WDR19: variants seen among roughly 807,000 people sequenced by gnomAD.
The protein encoded by WDR19 is WD repeat domain 19.
WDR19 carries 121 observed loss-of-function variants against 180.0 expected under a neutral mutation model. The ratio of observed to expected loss-of-function variants is 0.67; its 90% confidence interval spans 0.58 to 0.78. The LOEUF (loss-of-function observed/expected upper bound fraction) is 0.78. Among genes scored for constraint, WDR19 ranks in the 30% least tolerant of loss-of-function variants. WDR19 has a pLI of 0.00. For missense variants in WDR19, 1,450 were observed against 1,640.7 expected (o/e 0.88, Z 2.01); for synonymous variants, 497 against 540.7 (o/e 0.92, Z 1.12).
chr4:39,276,068 CAT>C (rs954540741), intron 33 of WDR19, among the ~76,000 whole-genome samples: 4 of 152,116 alleles, frequency 2.6e-5, no homozygotes, highest in African/African-American at 7.2e-5. Flanking sequence ...GAAGTGATGA[CAT>C]GTGGGGTTCC....
chr4:39,228,392 A>ATG, intron 16 of WDR19, 35 bp downstream of exon 16: 2 of 1,602,754 alleles, frequency 1.2e-6, no homozygotes, highest in Non-Finnish European at 1.7e-6. Context: ...TCGCTGACAG[A>ATG]TGAATTTCCC....
At chr4:39,198,434 G>A (rs1005574583) in intron 5 of WDR19, among the ~76,000 whole-genome samples, 8 of 152,076 alleles carry the variant, frequency 5.3e-5, no homozygotes, top group South Asian at 2.1e-4. Flanking sequence ...GGTGGCGGAC[G>A]CCTGTAGTCC....
At chr4:39,260,870 C>G (rs1560549277) in intron 28 of WDR19, among the ~76,000 whole-genome samples, 1 of 152,186 alleles carries the variant, frequency 6.6e-6, no homozygotes, top group Non-Finnish European at 1.5e-5. Context: ...AGGCTACAAT[C>G]TAACCCTAAT....
chr4:39,284,020 C>T (rs1166228111), intron 36 of WDR19, among the ~76,000 whole-genome samples: 1 of 152,064 alleles, frequency 6.6e-6, no homozygotes, highest in Non-Finnish European at 1.5e-5. Context: ...TTTTGGTTTC[C>T]AGAATTTTGA....
At position 39,285,610 on chromosome 4, in the gene WDR19, T is replaced by C. The variant is rs1477463198; in HGVS notation, c.*137T>C. 6.6e-6 allele frequency: 1 copy of C among 152,248 alleles called. No homozygotes were observed. The highest frequency in any genetic ancestry group is 2.4e-5 in the African/African-American group (1 of 41,470). 9.4% of individuals were successfully genotyped at this position (152,248 alleles called of 1,614,324 possible). On this transcript the variant is annotated 3_prime_UTR_variant, in exon 37 of 37. Transcript: ENST00000399820. ...AACGGTGACCTCTCCAGGTCGGCAC[T>C]TTCCACTTCTGTACGGTGGCAAAAC...
chr4:39,191,592 C>T (rs1295863681), intron 4 of WDR19, among the ~76,000 whole-genome samples: 3 of 152,154 alleles, frequency 2.0e-5, no homozygotes, highest in African/African-American at 4.8e-5. Flanking sequence ...CTGCTCCTGC[C>T]TAGGCCTAAC....
At chr4:39,238,509 A>G (rs1731589603) in intron 20 of WDR19, among the ~76,000 whole-genome samples, 1 of 152,260 alleles carries the variant, frequency 6.6e-6, no homozygotes, top group African/African-American at 2.4e-5. Flanking sequence ...TCAATTGATT[A>G]TATCAGCTGA....
intron 32 of WDR19, 31 bp downstream of exon 32, chr4:39,273,092 T>G (rs776581319): frequency 1.3e-6 from 2 of 1,492,980 alleles, no homozygotes; most frequent in Non-Finnish European, 1.8e-6. Flanking sequence ...CTCTCACCCA[T>G]GCCCCATGCC....
At chr4:39,204,380 C>T (rs193142289) in intron 7 of WDR19, among the ~76,000 whole-genome samples, 2 of 152,270 alleles carry the variant, frequency 1.3e-5, no homozygotes, top group African/African-American at 2.4e-5. Flanking sequence ...CCACCGCACC[C>T]GGCCAAAGTT....
At chr4:39,187,410 A>G (rs1464115977) in intron 3 of WDR19, among the ~76,000 whole-genome samples, 1 of 134,426 alleles carries the variant, frequency 7.4e-6, no homozygotes, top group Non-Finnish European at 1.6e-5. Context: ...ACAGAACGAG[A>G]CTCCATCTCA....
intron 20 of WDR19, among the ~76,000 whole-genome samples, chr4:39,239,210 T>A (rs1185063751): frequency 6.6e-6 from 1 of 152,162 alleles, no homozygotes; most frequent in African/African-American, 2.4e-5. Flanking sequence ...ACTCCTGACC[T>A]TATGATCCGT....
chr4:39,210,942 G>C (rs915941526), intron 9 of WDR19, among the ~76,000 whole-genome samples: 1 of 152,040 alleles, frequency 6.6e-6, no homozygotes, highest in Non-Finnish European at 1.5e-5. Context: ...TTCAAGACCA[G>C]CCTGGGCAAT....
chr4:39,198,433 C>T (rs888645234), intron 5 of WDR19, among the ~76,000 whole-genome samples: 6 of 151,956 alleles, frequency 3.9e-5, no homozygotes, highest in Non-Finnish European at 5.9e-5. Flanking sequence ...TGGTGGCGGA[C>T]GCCTGTAGTC....
chr4:39,252,519 A>T (rs1376866027), intron 24 of WDR19, among the ~76,000 whole-genome samples: 1 of 132,056 alleles, frequency 7.6e-6, no homozygotes, highest in African/African-American at 2.9e-5. Context: ...AATAAAAAAT[A>T]ATAAAAAAAA....
rs769224230 is a variant in WDR19, at chr4:39,278,641, G to A, written c.4020G>A (p.Glu1340=). 1.2e-6 allele frequency: 2 copies of A among 1,610,766 alleles called. No individual in the cohort carries two copies. The highest frequency in any genetic ancestry group is 1.3e-5 in the African/African-American group (1 of 74,854). ...SDCTQYLRTE[E]EL ...GTACCCAGTACCTGCGAACGGAGGA[G>A]GAACTGTGATTGGCACGTGCAGGTG... The change falls in exon 36 of 37, where the codon GAG becomes GAA. Residue 1340 remains glutamate (E), a synonymous_variant. Coordinates refer to ENST00000399820, the MANE Select transcript of WDR19 (RefSeq NM_025132.4).
chr4:39,266,304 G>C (rs1462040947), intron 29 of WDR19, among the ~76,000 whole-genome samples, 164 bp downstream of exon 29: 1 of 151,832 alleles, frequency 6.6e-6, no homozygotes, highest in Non-Finnish European at 1.5e-5. Context: ...TGCTTCCCTG[G>C]GTCACATTGG....
intron 28 of WDR19, among the ~76,000 whole-genome samples, chr4:39,262,621 C>G (rs1458082375): frequency 1.3e-5 from 2 of 152,076 alleles, no homozygotes; most frequent in Admixed American, 1.3e-4. Flanking sequence ...CCTAAAACAC[C>G]CCTCCCGCTG....
Position 39,240,439 on chromosome 4 carries a change from G to A in WDR19, c.2421+105G>A, listed in dbSNP as rs1731815749. On this transcript the variant is annotated intron_variant, in intron 21 of 36. Coordinates refer to ENST00000399820, the MANE Select transcript of WDR19 (RefSeq NM_025132.4). ...TTTGTATTGTATTTAATATCTAGCA[G>A]GTGAGTGTTTTCTTTGGTTTACTAA... 6.9e-6 allele frequency: 4 copies of A among 580,992 alleles called. No individual in the cohort carries two copies. The South Asian group carries it at 1.7e-4, about 24-fold the overall frequency. The allele number at this position is 580,992 out of a possible 1,614,324, so 36.0% of individuals were successfully genotyped here.
intron 9 of WDR19, among the ~76,000 whole-genome samples, chr4:39,211,812 C>T (rs13434860): frequency 0.047 from 7,085 of 152,158 alleles, 538 homozygotes; most frequent in African/African-American, 0.16. Flanking sequence ...GATTGAAAAG[C>T]TCAACAAAGT....
Sources: allele counts gnomAD v4.1 joint callset (sites outside exome capture counted in the v4.1 genomes callset), GRCh38; gene constraint gnomAD v4.1.1; transcripts MANE v1.5; gene names NCBI Gene and HGNC (gene_info 2026-07-23, HGNC 2026-07-21).